XRCC4: variants seen among roughly 807,000 people sequenced by gnomAD.
XRCC4 encodes the protein DNA repair protein XRCC4.
A neutral mutation model predicts 39.1 loss-of-function variants in XRCC4; 28 were observed. The observed-to-expected ratio is 0.72, with a 90% CI of 0.53 to 0.98. XRCC4 has a LOEUF of 0.98. Ranked by LOEUF, XRCC4 falls within the 50% of genes least tolerant of loss-of-function variation. The pLI, the probability that XRCC4 is intolerant of heterozygous loss-of-function variation, is 0.00. For synonymous variants in XRCC4, 123 were observed against 126.4 expected (o/e 0.97, Z 0.18); for missense variants, 350 against 376.4 (o/e 0.93, Z 0.58).
intron 4 of XRCC4, among the ~76,000 whole-genome samples, chr5:83,196,472 G>T (rs916720789): frequency 5.3e-5 from 8 of 151,696 alleles, no homozygotes; most frequent in African/African-American, 1.9e-4. Context: ...TTATTTTTAT[G>T]GCTTTGCCTC....
intron 3 of XRCC4, among the ~76,000 whole-genome samples, chr5:83,139,074 TCA>T (rs2112511428): frequency 6.6e-6 from 1 of 152,304 alleles, no homozygotes; most frequent in African/African-American, 2.4e-5. Flanking sequence ...AGATTTTATT[TCA>T]GTTTCACCAG....
At chr5:83,095,981 A>G (rs1745657652) in intron 1 of XRCC4, among the ~76,000 whole-genome samples, 1 of 151,916 alleles carries the variant, frequency 6.6e-6, no homozygotes, top group Admixed American at 6.6e-5. Flanking sequence ...AGTGGTTCAG[A>G]CTTACACGAA....
intron 3 of XRCC4, among the ~76,000 whole-genome samples, chr5:83,122,075 G>A (rs1747036974): frequency 6.6e-6 from 1 of 152,028 alleles, no homozygotes; most frequent in Non-Finnish European, 1.5e-5. Context: ...GATTACTTAG[G>A]CTTATAATAA....
chr5:83,194,154 G>A (rs565912162), intron 3 of XRCC4, among the ~76,000 whole-genome samples: 2 of 152,086 alleles, frequency 1.3e-5, no homozygotes, highest in African/African-American at 4.8e-5. Flanking sequence ...GTGTTGGCCA[G>A]GCAGGTTTCG....
intron 7 of XRCC4, among the ~76,000 whole-genome samples, chr5:83,260,945 A>G (rs1753725223): frequency 6.6e-6 from 1 of 152,050 alleles, no homozygotes. Context: ...TATTAAGAGA[A>G]ATTTAGCATG....
At chr5:83,223,075 G>A (rs1752149267) in intron 6 of XRCC4, among the ~76,000 whole-genome samples, 1 of 152,076 alleles carries the variant, frequency 6.6e-6, no homozygotes, top group South Asian at 2.1e-4. Context: ...AAAATTTGTT[G>A]AGACTTGTTT....
At chr5:83,140,547 A>G (rs1561357170) in intron 3 of XRCC4, among the ~76,000 whole-genome samples, 1 of 152,246 alleles carries the variant, frequency 6.6e-6, no homozygotes, top group Admixed American at 6.5e-5. Flanking sequence ...ACACCGAGAT[A>G]CAATATTTTG....
At chr5:83,366,117 T>G in the XRCC4 span, among the ~76,000 whole-genome samples, 2 of 152,212 alleles carry the variant, frequency 1.3e-5, no homozygotes, top group African/African-American at 4.8e-5. Flanking sequence ...TGAGTTGACT[T>G]ATTTATACAT....
At chr5:83,083,966 A>G (rs1745072831) in intron 1 of XRCC4, among the ~76,000 whole-genome samples, 1 of 152,056 alleles carries the variant, frequency 6.6e-6, no homozygotes. Context: ...CTCCCTTCCT[A>G]CCTCTGCATT....
At chr5:83,280,865 G>C (rs957673730) in intron 7 of XRCC4, among the ~76,000 whole-genome samples, 1 of 152,186 alleles carries the variant, frequency 6.6e-6, no homozygotes, top group Non-Finnish European at 1.5e-5. Flanking sequence ...TGAAGTATGA[G>C]GGGCTTTATT....
chr5:83,307,376 G>A (rs1052696018), intron 7 of XRCC4, among the ~76,000 whole-genome samples: 3 of 152,148 alleles, frequency 2.0e-5, no homozygotes, highest in African/African-American at 7.2e-5. Flanking sequence ...CTCAGGGGCT[G>A]CCAGCTTTCC....
downstream of XRCC4, among the ~76,000 whole-genome samples, chr5:83,357,347 T>C (rs1757201600): frequency 6.6e-6 from 1 of 152,184 alleles, no homozygotes; most frequent in Non-Finnish European, 1.5e-5. Context: ...TGTAATGAAC[T>C]ATAATATGAA....
intron 7 of XRCC4, among the ~76,000 whole-genome samples, chr5:83,320,714 C>G (rs1756039359): frequency 6.6e-6 from 1 of 151,958 alleles, no homozygotes; most frequent in African/African-American, 2.4e-5. Flanking sequence ...AGGCAAGACC[C>G]TGCACCAGCA....
chr5:83,254,342 T>G (rs572619398), intron 6 of XRCC4, among the ~76,000 whole-genome samples: 1 of 152,182 alleles, frequency 6.6e-6, no homozygotes, highest in African/African-American at 2.4e-5. Flanking sequence ...TTATCCTGTC[T>G]CATTTCCTGC....
At chr5:83,248,638 A>G (rs1753198035) in intron 6 of XRCC4, among the ~76,000 whole-genome samples, 1 of 152,208 alleles carries the variant, frequency 6.6e-6, no homozygotes, top group African/African-American at 2.4e-5. Flanking sequence ...AATCATTGCT[A>G]ACTGTAATTT....
chr5:83,145,085 C>T (rs1445228657), intron 3 of XRCC4, among the ~76,000 whole-genome samples: 1 of 152,058 alleles, frequency 6.6e-6, no homozygotes, highest in East Asian at 1.9e-4. Context: ...TTAGTAGAGA[C>T]GTGGTTTCAC....
At chr5:83,298,343 C>T (rs1755164672) in intron 7 of XRCC4, among the ~76,000 whole-genome samples, 1 of 151,660 alleles carries the variant, frequency 6.6e-6, no homozygotes, top group Non-Finnish European at 1.5e-5. Context: ...ACCCATTTCC[C>T]TCTGTTTATC....
intron 7 of XRCC4, among the ~76,000 whole-genome samples, chr5:83,274,759 G>A (rs562805150): frequency 3.3e-5 from 5 of 152,270 alleles, no homozygotes; most frequent in African/African-American, 1.2e-4. Flanking sequence ...TGAAGGAGTA[G>A]AAATGTGTAC....
intron 4 of XRCC4, among the ~76,000 whole-genome samples, chr5:83,200,644 A>G (rs1751150447): frequency 6.6e-6 from 1 of 152,212 alleles, no homozygotes; most frequent in Non-Finnish European, 1.5e-5. Context: ...TATTGAAGTG[A>G]CTTATATGGA....
Sources: gnomAD v4.1 joint callset for allele counts (sites outside exome capture counted in the v4.1 genomes callset) on GRCh38, gnomAD v4.1.1 for gene constraint, MANE v1.5 for transcripts, NCBI Gene and HGNC (gene_info 2026-07-23, HGNC 2026-07-21) for gene names.